The following BCL11B variants were observed in gnomAD, a reference collection of about 807,000 sequenced individuals.
BCL11B encodes the protein B-cell lymphoma/leukemia 11B.
A neutral mutation model predicts 49.9 loss-of-function variants in BCL11B; 8 were observed. The observed-to-expected ratio is 0.16, with a 90% CI of 0.09 to 0.29. The LOEUF is 0.29. Among genes scored for constraint, BCL11B ranks in the 10% least tolerant of loss-of-function variants. The probability of loss-of-function intolerance (pLI) is 1.00; values close to 1 mark genes in which losing one functional copy is unlikely to be tolerated. For synonymous variants in BCL11B, 739 were observed against 637.4 expected, an observed-to-expected ratio of 1.16 and a Z score of -2.40; for missense variants, 1,006 against 1,351.0, an observed-to-expected ratio of 0.74 and a Z score of 4.00.
At chr14:99,220,777 T>G (rs1409138097) in intron 3 of BCL11B, among the ~76,000 whole-genome samples, 3 of 152,210 alleles carry the variant, frequency 2.0e-5, no homozygotes, top group African/African-American at 7.2e-5. Context: ...ATCGAAGCAT[T>G]GTGAGAATCA....
chr14:99,204,956 T>C (rs1887491659), intron 3 of BCL11B, among the ~76,000 whole-genome samples: 1 of 152,122 alleles, frequency 6.6e-6, no homozygotes, highest in Non-Finnish European at 1.5e-5. Context: ...TTCAGCCCAC[T>C]TCATGTGACA....
At chr14:99,222,899 TTCTC>T (rs747065758) in intron 3 of BCL11B, among the ~76,000 whole-genome samples, 28 of 150,194 alleles carry the variant, frequency 1.9e-4, no homozygotes, top group Admixed American at 5.9e-4. Context: ...TTCTTTCTCT[TTCTC>T]TCTTTCTGTC....
intron 3 of BCL11B, among the ~76,000 whole-genome samples, chr14:99,226,686 G>C (rs1027191144): frequency 2.0e-5 from 3 of 152,202 alleles, no homozygotes; most frequent in African/African-American, 4.8e-5. Flanking sequence ...TCCACAGCTA[G>C]CGTGGTCTAA....
In BCL11B at chr14:99,232,709, A is replaced by C. The variant is rs886767769; in HGVS notation, c.428-1152T>G. Among the ~76,000 whole-genome samples the C allele has an allele frequency of 2.0e-5, 3 of 152,228 alleles. No homozygotes were observed. Among genetic ancestry groups the C allele is most frequent in the Non-Finnish European group, 2.9e-5 (2 of 68,028 alleles). On this transcript the variant is annotated intron_variant, in intron 2 of 3. Coordinates refer to ENST00000357195, the MANE Select transcript of BCL11B (RefSeq NM_138576.4). This position sits in a 1 kb window ranked among gnomAD's most constrained non-coding sequence, Gnocchi z 5.1. Reference sequence around the variant, plus strand: ...AACACACTGACGGGAACTGGGGCTTAGAATACCCATTGCACAGACCAGGAA... The same window carrying C: ...AACACACTGACGGGAACTGGGGCTTCGAATACCCATTGCACAGACCAGGAA...
chr14:99,220,187 A>G (rs1174895920), intron 3 of BCL11B, among the ~76,000 whole-genome samples: 1 of 152,246 alleles, frequency 6.6e-6, no homozygotes, highest in African/African-American at 2.4e-5. Flanking sequence ...CGGTTTGGCA[A>G]TTCCTCAAAA....
chr14:99,238,952 A>T (rs1888585273), intron 2 of BCL11B, among the ~76,000 whole-genome samples: 1 of 152,184 alleles, frequency 6.6e-6, no homozygotes, highest in East Asian at 1.9e-4. Flanking sequence ...GTGTGCATGC[A>T]CTTCTATTAT....
chr14:99,171,609 G>A lies in BCL11B; in HGVS notation c.*2542C>T. 1 of 209,328 alleles carries A rather than the reference G, an allele frequency of 4.8e-6. No individual in the cohort carries two copies. Among genetic ancestry groups the A allele is most frequent in the East Asian group, 7.2e-5 (1 of 13,862 alleles). 13.0% of individuals were successfully genotyped at this position (209,328 alleles called of 1,614,324 possible). Reference sequence around the variant, plus strand: ...AAAAATAAGTACAGGTCAGAAATGTGATTTTTTTTTTTTCTGCAAAGCAAT... The same window carrying A: ...AAAAATAAGTACAGGTCAGAAATGTAATTTTTTTTTTTTCTGCAAAGCAAT... On this transcript the variant is annotated 3_prime_UTR_variant, in exon 4 of 4. Transcript: ENST00000357195.
rs375191905 is a variant in BCL11B at position 99,169,513 on chromosome 14, T to TA, written c.*4637dup. ...TGTCATCTCAACATTTTATCCATAATAAAAAAAAGTGCCTGTTTCTTAAAC... is the reference window on the plus strand; with the variant it reads ...TGTCATCTCAACATTTTATCCATAATAAAAAAAAAGTGCCTGTTTCTTAAAC... On this transcript the variant is annotated 3_prime_UTR_variant, in exon 4 of 4. Coordinates refer to ENST00000357195, the MANE Select transcript of BCL11B (RefSeq NM_138576.4). 23 of 200,906 alleles carry TA rather than the reference T, an allele frequency of 1.1e-4. No homozygotes were observed. The highest frequency in any genetic ancestry group is 2.3e-4 in the African/African-American group (10 of 43,600). 12.4% of individuals were successfully genotyped at this position (200,906 alleles called of 1,614,324 possible). A position where few individuals can be genotyped will look rare whatever the true frequency, so the allele number is the denominator to read the frequency against.
rs1272006809 is a variant in BCL11B, at chr14:99,247,472, G to C, written c.427+9999C>G. The stretch of plus-strand genomic sequence containing the variant: ...TCCCGAACAGAGAAGAATTCAGACA[G>C]TTGTTGTCTCTCTGAGCCCAGGACA... On this transcript the variant is annotated intron_variant, in intron 2 of 3. Transcript: ENST00000357195. The surrounding 1 kb of genome is among the most constrained non-coding windows in gnomAD (Gnocchi z 4.5). Among the ~76,000 whole-genome samples, 1 of 152,218 alleles carries C rather than the reference G, an allele frequency of 6.6e-6. No individual in the cohort carries two copies. Among genetic ancestry groups the C allele is most frequent in the Non-Finnish European group, 1.5e-5 (1 of 68,042 alleles).
At chr14:99,235,008 A>C (rs1428505740) in intron 2 of BCL11B, among the ~76,000 whole-genome samples, 1 of 151,972 alleles carries the variant, frequency 6.6e-6, no homozygotes, top group African/African-American at 2.4e-5. Flanking sequence ...TCTCTCTTCT[A>C]GAGGGACTTT....
In BCL11B at chr14:99,235,713, G is replaced by A. The variant is rs558039569; in HGVS notation, c.428-4156C>T. On this transcript the variant is annotated intron_variant, in intron 2 of 3. Transcript: ENST00000357195. ...CTTTTTTTGGTGGGGGAAGGACAGC[G>A]GGGGGAAGGAGGTGGCGCTGGTGGA... 1.8e-3 allele frequency among the ~76,000 whole-genome samples: 278 copies of A among 150,958 alleles called. 4 individuals are homozygous for A. The highest frequency in any genetic ancestry group is 6.9e-3 in the Middle Eastern group (2 of 290).
At chr14:99,223,104 C>T (rs886167884) in intron 3 of BCL11B, among the ~76,000 whole-genome samples, 1 of 152,182 alleles carries the variant, frequency 6.6e-6, no homozygotes, top group African/African-American at 2.4e-5. Context: ...GTAGCCCTTC[C>T]CTTCACCTGG....
rs1886313990 is a variant in BCL11B, at chr14:99,172,203, G to A, written c.*1948C>T. 3 of 223,270 alleles carry A rather than the reference G, an allele frequency of 1.3e-5. No individual in the cohort carries two copies. The highest frequency in any genetic ancestry group is 1.8e-5 in the Non-Finnish European group (2 of 111,634). The allele number at this position is 223,270 out of a possible 1,614,324, so 13.8% of individuals were successfully genotyped here. A position where few individuals can be genotyped will look rare whatever the true frequency, so the allele number is the denominator to read the frequency against. ...GTTTTTGTTTTGCTTTTCATTCAACGATATCAACTTGTAACTTGTGTCACT... is the reference window on the plus strand; with the variant it reads ...GTTTTTGTTTTGCTTTTCATTCAACAATATCAACTTGTAACTTGTGTCACT... On this transcript the variant is annotated 3_prime_UTR_variant, in exon 4 of 4. Transcript: ENST00000357195.
intron 3 of BCL11B, among the ~76,000 whole-genome samples, chr14:99,188,037 ACAAACAAG>A (rs1886908112): frequency 6.6e-6 from 1 of 152,214 alleles, no homozygotes; most frequent in Non-Finnish European, 1.5e-5. Context: ...CTGACACACT[ACAAACAAG>A]TAGTAATATA....
Position 99,247,070 on chromosome 14 carries a change from C to T in BCL11B, c.427+10401G>A, listed in dbSNP as rs1438766055. Among the ~76,000 whole-genome samples, 2 of 152,172 alleles carry T rather than the reference C, an allele frequency of 1.3e-5. No homozygotes were observed. The highest frequency in any genetic ancestry group is 1.3e-4 in the Admixed American group (2 of 15,286). ...CTGTTTTCAGCGTTCCAGACCACAG[C>T]GCTGCAGTCTACGCTGCCCTGACGC... On this transcript the variant is annotated intron_variant, in intron 2 of 3. Coordinates refer to ENST00000357195, the MANE Select transcript of BCL11B (RefSeq NM_138576.4). This position sits in a 1 kb window ranked among gnomAD's most constrained non-coding sequence, Gnocchi z 4.5.
rs1889669939 is a variant in BCL11B at position 99,271,244 on chromosome 14, C to T, written c.-26G>A. The T allele has an allele frequency of 4.0e-6, 6 of 1,493,118 alleles. No individual in the cohort carries two copies. Among genetic ancestry groups the T allele is most frequent in the Non-Finnish European group, 5.3e-6 (6 of 1,124,696 alleles). 92.5% of individuals were successfully genotyped at this position (1,493,118 alleles called of 1,614,324 possible). ...TGCCCCGGCATCTATTCTGGCATCG[C>T]CCGGAGAGCTGCACTGATGGGGGGA... is the stretch of plus-strand genomic sequence containing the variant. On this transcript the variant is annotated 5_prime_UTR_variant, in exon 1 of 4. Transcript: ENST00000357195.
chr14:99,178,902 C>CT (rs1886616888), intron 3 of BCL11B, among the ~76,000 whole-genome samples: 1 of 152,202 alleles, frequency 6.6e-6, no homozygotes, highest in African/African-American at 2.4e-5. Context: ...CCCCCAATCT[C>CT]TTTTTCATCA....
intron 3 of BCL11B, among the ~76,000 whole-genome samples, chr14:99,212,235 A>C (rs1887708484): frequency 6.6e-6 from 1 of 152,176 alleles, no homozygotes; most frequent in Non-Finnish European, 1.5e-5. Context: ...ATTTCCAAAA[A>C]TCAAACGGTG....
At chr14:99,197,784 T>C (rs1566805251) in intron 3 of BCL11B, among the ~76,000 whole-genome samples, 1 of 152,162 alleles carries the variant, frequency 6.6e-6, no homozygotes, top group African/African-American at 2.4e-5. Context: ...GGCCATCAAC[T>C]GGACAGCTGC....
Sources: allele counts gnomAD v4.1 joint callset (sites outside exome capture counted in the v4.1 genomes callset), GRCh38; gene constraint gnomAD v4.1.1; non-coding constraint Gnocchi (gnomAD v3.1); transcripts MANE v1.5; gene names NCBI Gene and HGNC (gene_info 2026-07-23, HGNC 2026-07-21).